Variants in GRM7 observed in about 807,000 individuals in gnomAD.
GRM7 encodes the protein glutamate metabotropic receptor 7.
A neutral mutation model predicts 84.5 loss-of-function variants in GRM7; 35 were observed. The ratio of observed to expected loss-of-function variants is 0.41; its 90% CI spans 0.32 to 0.55. The LOEUF (loss-of-function observed/expected upper bound fraction) is 0.55. GRM7 is among the 20% of genes least tolerant of loss of function. The probability of loss-of-function intolerance (pLI) is 0.19; values close to 1 mark genes in which losing one functional copy is unlikely to be tolerated. For synonymous variants in GRM7, 487 were observed against 455.1 expected (o/e 1.07, Z -0.89); for missense variants, 1,003 against 1,194.6 (o/e 0.84, Z 2.36).
At chr3:6,864,783 G>A (rs974257828) in intron 1 of GRM7, among the ~76,000 whole-genome samples, 1 of 152,204 alleles carries the variant, frequency 6.6e-6, no homozygotes, top group Non-Finnish European at 1.5e-5. Flanking sequence ...AAATGAGATG[G>A]TAACAGATGT....
At chr3:7,325,414 G>A (rs1230186496) in intron 4 of GRM7, among the ~76,000 whole-genome samples, 1 of 152,160 alleles carries the variant, frequency 6.6e-6, no homozygotes, top group Non-Finnish European at 1.5e-5. Context: ...AGATTGCTGG[G>A]CCTCAATCCA....
chr3:7,672,773 T>A (rs1313912466), intron 8 of GRM7, among the ~76,000 whole-genome samples: 8 of 151,826 alleles, frequency 5.3e-5, no homozygotes, highest in East Asian at 1.9e-4. Flanking sequence ...CCCGGCTAAT[T>A]TTTTTTGTAT....
intron 4 of GRM7, among the ~76,000 whole-genome samples, chr3:7,339,311 C>T (rs1290602250): frequency 6.6e-6 from 1 of 152,096 alleles, no homozygotes; most frequent in African/African-American, 2.4e-5. Flanking sequence ...TCTTTTGTTT[C>T]ATTGCTGGTT....
At chr3:7,220,726 G>T (rs540446801) in intron 2 of GRM7, among the ~76,000 whole-genome samples, 1 of 152,286 alleles carries the variant, frequency 6.6e-6, no homozygotes, top group African/African-American at 2.4e-5. Context: ...GGGGAGACTG[G>T]GTGGTGTGAT....
chr3:7,639,158 C>T (rs1698246712), intron 8 of GRM7, among the ~76,000 whole-genome samples: 1 of 152,160 alleles, frequency 6.6e-6, no homozygotes, highest in South Asian at 2.1e-4. Flanking sequence ...CACATCTCCC[C>T]ATTTCTCCAC....
intron 8 of GRM7, among the ~76,000 whole-genome samples, chr3:7,612,752 A>T (rs1262672998): frequency 6.6e-6 from 1 of 152,208 alleles, no homozygotes; most frequent in Non-Finnish European, 1.5e-5. Context: ...ATCTGGGAAG[A>T]ATTAGATTTT....
chr3:7,558,401 A>C (rs1693867058), intron 7 of GRM7, among the ~76,000 whole-genome samples: 1 of 152,114 alleles, frequency 6.6e-6, no homozygotes, highest in South Asian at 2.1e-4. Flanking sequence ...AAGTTTTCCA[A>C]GTAAAACACT....
intron 7 of GRM7, among the ~76,000 whole-genome samples, chr3:7,560,843 TA>T (rs1480473390): frequency 6.6e-6 from 1 of 152,158 alleles, no homozygotes; most frequent in African/African-American, 2.4e-5. Flanking sequence ...TAACACTTAT[TA>T]TAATACATTT....
chr3:7,081,910 A>T (rs1698287120), intron 1 of GRM7, among the ~76,000 whole-genome samples: 1 of 152,122 alleles, frequency 6.6e-6, no homozygotes, highest in East Asian at 1.9e-4. Flanking sequence ...GGCTGAAAGA[A>T]GTGAGAGAGC....
chr3:7,078,125 T>C lies in GRM7; in HGVS notation c.520-68327T>C, dbSNP rs531881218. Among the ~76,000 whole-genome samples the C allele has an allele frequency of 8.5e-4, 130 of 152,286 alleles. 1 individual carries two copies. Among genetic ancestry groups the C allele is most frequent in the Admixed American group, 2.9e-3 (44 of 15,282 alleles). On this transcript the variant is annotated intron_variant, in intron 1 of 9. Transcript: ENST00000357716. ...CTGAACCCTGATGAAAAGAGAAGGCTTTGCAATTAAAGCTGGTGATGAATT... is the reference window on the plus strand; with the variant it reads ...CTGAACCCTGATGAAAAGAGAAGGCCTTGCAATTAAAGCTGGTGATGAATT...
At position 7,578,775 on chromosome 3, in the gene GRM7, A is replaced by G. The variant is rs1427108563; in HGVS notation, c.1869A>G (p.Ala623=). 1 of 1,613,946 alleles carries G rather than the reference A, an allele frequency of 6.2e-7. No homozygotes were observed. Among genetic ancestry groups the G allele is most frequent in the Non-Finnish European group, 8.5e-7 (1 of 1,179,840 alleles). The change falls in exon 8 of 10, where the codon GCA becomes GCG. Residue 623 remains alanine (A), a synonymous_variant. Coordinates refer to ENST00000357716, the MANE Select transcript of GRM7 (RefSeq NM_000844.4). ...ACAATGACACGCCCATTGTCCGGGC[A>G]TCTGGGCGGGAACTCAGCTATGTTC... ...IRYNDTPIVR[A]SGRELSYVLL...
chr3:7,651,624 C>A (rs1289452007), intron 8 of GRM7, among the ~76,000 whole-genome samples: 1 of 152,206 alleles, frequency 6.6e-6, no homozygotes, highest in Admixed American at 6.5e-5. Flanking sequence ...AGAATTGCTG[C>A]TCAGTTCCAT....
At chr3:7,445,929 C>T (rs2124879539) in intron 5 of GRM7, among the ~76,000 whole-genome samples, 1 of 152,182 alleles carries the variant, frequency 6.6e-6, no homozygotes, top group East Asian at 1.9e-4. Context: ...GGATATTCAC[C>T]CTGCTGTCCC....
chr3:6,954,114 T>C (rs1319157271), intron 1 of GRM7, among the ~76,000 whole-genome samples: 2 of 152,150 alleles, frequency 1.3e-5, no homozygotes, highest in Admixed American at 6.5e-5. Flanking sequence ...ACCCCACAAA[T>C]ACTTACAAAC....
At chr3:6,919,758 T>C (rs2125029222) in intron 1 of GRM7, among the ~76,000 whole-genome samples, 1 of 152,280 alleles carries the variant, frequency 6.6e-6, no homozygotes, top group East Asian at 1.9e-4. Flanking sequence ...CTATCGAAGA[T>C]TCTAAATTAT....
In GRM7 at chr3:7,265,968, C is replaced by G. The variant is rs369913129; in HGVS notation, c.737-32716C>G. Among the ~76,000 whole-genome samples the G allele has an allele frequency of 4.6e-5, 7 of 152,118 alleles. No homozygotes were observed. In the East Asian group the frequency reaches 1.4e-3, roughly 29 times the overall value. On this transcript the variant is annotated intron_variant, in intron 2 of 9. Coordinates refer to ENST00000357716, the MANE Select transcript of GRM7 (RefSeq NM_000844.4). ...ATCTGATGCTTCTTTGAGAGCTCAG[C>G]AAGACTGTGGTCAGTGCTGGGCACA...
intron 7 of GRM7, among the ~76,000 whole-genome samples, chr3:7,508,038 C>T (rs889044964): frequency 6.6e-6 from 1 of 152,092 alleles, no homozygotes; most frequent in Non-Finnish European, 1.5e-5. Context: ...GTTTCTTTTA[C>T]CTGGAGAATT....
chr3:7,153,182 T>A lies in GRM7; in HGVS notation c.736+6514T>A, dbSNP rs571053313. Among the ~76,000 whole-genome samples, 3 of 137,656 alleles carry A rather than the reference T, an allele frequency of 2.2e-5. No individual in the cohort carries two copies. In the East Asian group the frequency reaches 6.5e-4, roughly 30 times the overall value. 90.3% of individuals were successfully genotyped at this position (137,656 alleles called of 152,430 possible). A position where few individuals can be genotyped will look rare whatever the true frequency, so the allele number is the denominator to read the frequency against. ...CTTTGATTCTGACCACCGAGCCTCC[T>A]TTGTTTCTGCTTATTTTCTGATTTT... On this transcript the variant is annotated intron_variant, in intron 2 of 9. Coordinates refer to ENST00000357716, the MANE Select transcript of GRM7 (RefSeq NM_000844.4).
At chr3:7,641,900 C>G (rs986788714) in intron 8 of GRM7, among the ~76,000 whole-genome samples, 2 of 151,932 alleles carry the variant, frequency 1.3e-5, no homozygotes, top group African/African-American at 4.8e-5. Context: ...TTTCTATGAG[C>G]TCACACTCTC....
Sources: allele counts gnomAD v4.1 joint callset (sites outside exome capture counted in the v4.1 genomes callset), GRCh38; gene constraint gnomAD v4.1.1; transcripts MANE v1.5; gene names NCBI Gene and HGNC (gene_info 2026-07-23, HGNC 2026-07-21).